Variants in SAMD12 observed in about 807,000 individuals in gnomAD.
SAMD12 encodes the protein sterile alpha motif domain-containing protein 12.
A neutral mutation model predicts 15.0 loss-of-function variants in SAMD12; 9 were observed. The ratio of observed to expected loss-of-function variants is 0.60; its 90% CI spans 0.36 to 1.05. SAMD12 has a LOEUF of 1.05. SAMD12 is among the 50% of genes least tolerant of loss of function. The pLI is 0.01. For missense variants in SAMD12, 230 were observed against 234.2 expected (o/e 0.98, Z 0.12); for synonymous variants, 86 against 90.1 (o/e 0.96, Z 0.25).
At chr8:118,375,696 CTTGT>C (rs1819351243), downstream of SAMD12, 1 of 150,978 alleles carries the variant, frequency 6.6e-6, no homozygotes, top group African/African-American at 2.5e-5. Context: ...CTTTTTCCTT[CTTGT>C]TTCTTTTTAA....
intron 1 of SAMD12, among the ~76,000 whole-genome samples, chr8:118,591,812 C>A (rs1025897469): frequency 2.6e-5 from 4 of 151,990 alleles, no homozygotes; most frequent in African/African-American, 9.7e-5. Flanking sequence ...TGACTGCATT[C>A]TCTGTGAAAC....
At chr8:118,472,788 C>T (rs1033739716) in intron 2 of SAMD12, among the ~76,000 whole-genome samples, 1 of 150,746 alleles carries the variant, frequency 6.6e-6, no homozygotes, top group Non-Finnish European at 1.5e-5. Context: ...AGTAAAAAAG[C>T]CTGGTATACA....
intron 2 of SAMD12, among the ~76,000 whole-genome samples, chr8:118,523,557 T>C (rs1214046114): frequency 6.6e-6 from 1 of 151,594 alleles, no homozygotes; most frequent in African/African-American, 2.4e-5. Context: ...TTTCATTTTG[T>C]AGACATCTAC....
intron 2 of SAMD12, among the ~76,000 whole-genome samples, chr8:118,491,330 T>C (rs1342398675): frequency 1.3e-5 from 2 of 152,204 alleles, no homozygotes; most frequent in African/African-American, 4.8e-5. Context: ...TCTCCTCGCT[T>C]TATGCATCTG....
At chr8:118,376,150 ACTC>A (rs1361774085), downstream of SAMD12, among the ~76,000 whole-genome samples, 1 of 152,124 alleles carries the variant, frequency 6.6e-6, no homozygotes, top group African/African-American at 2.4e-5. Flanking sequence ...CAAGAAGAAA[ACTC>A]CTAAGAAACG....
downstream of SAMD12, among the ~76,000 whole-genome samples, chr8:118,376,985 CTAT>C (rs1424181204): frequency 2.6e-5 from 4 of 151,918 alleles, no homozygotes; most frequent in Non-Finnish European, 5.9e-5. Flanking sequence ...ACAACTTCTA[CTAT>C]TAATCATAAA....
chr8:118,274,600 T>C (rs1813431648), intron 4 of SAMD12, among the ~76,000 whole-genome samples: 1 of 152,210 alleles, frequency 6.6e-6, no homozygotes, highest in Admixed American at 6.5e-5. Flanking sequence ...AGACTTTGAA[T>C]TTTGTGTTAA....
At chr8:118,529,093 C>A (rs559298232) in intron 2 of SAMD12, among the ~76,000 whole-genome samples, 25 of 152,308 alleles carry the variant, frequency 1.6e-4, no homozygotes, top group African/African-American at 6.0e-4. Context: ...AACCACTACA[C>A]AGTTCAGCAA....
At chr8:118,326,990 T>C (rs1816597041) in intron 4 of SAMD12, among the ~76,000 whole-genome samples, 1 of 152,182 alleles carries the variant, frequency 6.6e-6, no homozygotes, top group Non-Finnish European at 1.5e-5. Flanking sequence ...GTCCCTTCTG[T>C]AAAGTAACCA....
intron 4 of SAMD12, among the ~76,000 whole-genome samples, chr8:118,309,217 CCACT>C (rs1815502735): frequency 2.0e-5 from 3 of 152,266 alleles, no homozygotes; most frequent in African/African-American, 7.2e-5. Flanking sequence ...AACTTAACTC[CCACT>C]TATGAGTGAG....
At chr8:118,604,644 G>A (rs971752723) in intron 1 of SAMD12, among the ~76,000 whole-genome samples, 8 of 152,202 alleles carry the variant, frequency 5.3e-5, no homozygotes, top group African/African-American at 1.4e-4. Flanking sequence ...AATGTCTGCC[G>A]GGCGCGGTGG....
chr8:118,179,201 GCTGAGGCAGGCGGATCAC>G, the SAMD12 span, among the ~76,000 whole-genome samples: 17 of 152,282 alleles, frequency 1.1e-4, no homozygotes, highest in Non-Finnish European at 2.1e-4. Context: ...CAGTAGGGAG[GCTGAGGCAGGCGGATCAC>G]CTGAGGTCGG....
intron 4 of SAMD12, among the ~76,000 whole-genome samples, chr8:118,270,520 A>G (rs1158794263): frequency 2.0e-5 from 3 of 152,106 alleles, no homozygotes; most frequent in Admixed American, 6.6e-5. Flanking sequence ...TAAATTCCCC[A>G]CAGGGTATGA....
intron 4 of SAMD12, among the ~76,000 whole-genome samples, chr8:118,235,200 A>C (rs892124041): frequency 2.6e-5 from 4 of 151,836 alleles, no homozygotes; most frequent in African/African-American, 7.3e-5. Flanking sequence ...CTTTAAATAC[A>C]TATGATTATT....
At chr8:118,458,196 A>G (rs1236754165) in intron 2 of SAMD12, among the ~76,000 whole-genome samples, 5 of 152,218 alleles carry the variant, frequency 3.3e-5, no homozygotes, top group African/African-American at 7.2e-5. Context: ...ATCCTCTTTC[A>G]CATTTTCATC....
chr8:118,548,382 CAT>C (rs1554583401), intron 2 of SAMD12, among the ~76,000 whole-genome samples: 272 of 106,732 alleles, frequency 2.5e-3, no homozygotes, highest in Non-Finnish European at 4.0e-3. Context: ...TAAAAACACA[CAT>C]ACACACACAC....
At chr8:118,350,787 T>C (rs1817926432) in intron 4 of SAMD12, among the ~76,000 whole-genome samples, 1 of 152,224 alleles carries the variant, frequency 6.6e-6, no homozygotes, top group Admixed American at 6.5e-5. Flanking sequence ...ATGTCCAGGA[T>C]TCAAGCTTCA....
chr8:118,581,773 A>G (rs754182913), intron 1 of SAMD12, among the ~76,000 whole-genome samples: 1 of 152,182 alleles, frequency 6.6e-6, no homozygotes, highest in African/African-American at 2.4e-5. Context: ...TGCAGATGGC[A>G]GGTATGTGTG....
At chr8:118,304,785 T>TAAAC (rs1187933057) in intron 4 of SAMD12, among the ~76,000 whole-genome samples, 3 of 148,364 alleles carry the variant, frequency 2.0e-5, no homozygotes, top group African/African-American at 7.4e-5. Flanking sequence ...AATAAATAAA[T>TAAAC]AAATAAATAA....
Sources: gnomAD v4.1 joint callset for allele counts (sites outside exome capture counted in the v4.1 genomes callset) on GRCh38, gnomAD v4.1.1 for gene constraint, MANE v1.5 for transcripts, NCBI Gene and HGNC (gene_info 2026-07-23, HGNC 2026-07-21) for gene names.